SUSD1: variants seen among roughly 807,000 people sequenced by gnomAD.
SUSD1 encodes sushi domain-containing protein 1.
A neutral mutation model predicts 86.9 loss-of-function variants in SUSD1; 65 were observed. The ratio of observed to expected loss-of-function variants is 0.75; its 90% CI spans 0.61 to 0.92. The LOEUF is 0.92. Among genes scored for constraint, SUSD1 ranks in the 40% least tolerant of loss-of-function variants. SUSD1 has a pLI of 0.00. For missense variants in SUSD1, 850 were observed against 929.7 expected (o/e 0.91, Z 1.11); for synonymous variants, 346 against 350.0 (o/e 0.99, Z 0.13).
At chr9:112,143,907 C>T (rs1007480815) in intron 3 of SUSD1, among the ~76,000 whole-genome samples, 9 of 152,052 alleles carry the variant, frequency 5.9e-5, no homozygotes, top group African/African-American at 2.2e-4. Context: ...CCCTGACACC[C>T]AACAAAATGA....
chr9:112,141,697 A>AT (rs1223539576), intron 5 of SUSD1, among the ~76,000 whole-genome samples: 166 of 145,996 alleles, frequency 1.1e-3, no homozygotes, highest in Non-Finnish European at 2.1e-3. Flanking sequence ...TATATATATA[A>AT]AAAATATATA....
At chr9:112,101,427 T>TA (rs1186028032) in intron 9 of SUSD1, among the ~76,000 whole-genome samples, 3 of 152,184 alleles carry the variant, frequency 2.0e-5, no homozygotes, top group African/African-American at 4.8e-5. Flanking sequence ...GATGACTTGC[T>TA]AGGCACTAAA....
intron 1 of SUSD1, among the ~76,000 whole-genome samples, chr9:112,173,364 C>G (rs1834126447): frequency 6.6e-6 from 1 of 151,638 alleles, no homozygotes; most frequent in African/African-American, 2.4e-5. Flanking sequence ...ACTTCAGGAT[C>G]AGCGTTTGGT....
intron 9 of SUSD1, among the ~76,000 whole-genome samples, chr9:112,099,114 A>G (rs1164502742): frequency 6.6e-6 from 1 of 150,868 alleles, no homozygotes; most frequent in Non-Finnish European, 1.5e-5. Flanking sequence ...CAGTGGCACA[A>G]TCTTAGTTCA....
Position 112,061,011 on chromosome 9 carries a change from A to G in SUSD1, c.1850+1926T>C, listed in dbSNP as rs114934744. Reference sequence around the variant, plus strand: ...ACCTGTGTTGCTTGATTATTATACAAATTCCCCGACCTCATACCGACCTAC... The same window carrying G: ...ACCTGTGTTGCTTGATTATTATACAGATTCCCCGACCTCATACCGACCTAC... On this transcript the variant is annotated intron_variant, in intron 13 of 16. Coordinates refer to ENST00000374270, the MANE Select transcript of SUSD1 (RefSeq NM_022486.5). Among the ~76,000 whole-genome samples, 826 of 152,216 alleles carry G rather than the reference A, an allele frequency of 5.4e-3. 11 individuals carry two copies. The highest frequency in any genetic ancestry group is 0.018 in the African/African-American group (765 of 41,512).
At chr9:112,078,994 TG>T (rs1409350980) in intron 11 of SUSD1, among the ~76,000 whole-genome samples, 1 of 151,688 alleles carries the variant, frequency 6.6e-6, no homozygotes, top group Admixed American at 6.6e-5. Flanking sequence ...TTGTATTTTT[TG>T]TAGAGACAGG....
chr9:112,138,811 C>G (rs1270869823), intron 5 of SUSD1, among the ~76,000 whole-genome samples: 2 of 152,018 alleles, frequency 1.3e-5, no homozygotes, highest in Non-Finnish European at 2.9e-5. Flanking sequence ...ACATAATATT[C>G]CATTTTAAGG....
At chr9:112,130,901 T>C (rs1832006852) in intron 5 of SUSD1, among the ~76,000 whole-genome samples, 1 of 151,080 alleles carries the variant, frequency 6.6e-6, no homozygotes, top group Non-Finnish European at 1.5e-5. Flanking sequence ...CTCATGCCTG[T>C]AGTCCCAGCT....
At chr9:112,138,264 T>TATAC (rs1554770376) in intron 5 of SUSD1, among the ~76,000 whole-genome samples, 3 of 61,814 alleles carry the variant, frequency 4.9e-5, no homozygotes, top group Non-Finnish European at 9.5e-5. Flanking sequence ...TATGTGTATA[T>TATAC]ACATATATAT....
At chr9:112,087,444 G>T (rs1830032833) in intron 10 of SUSD1, among the ~76,000 whole-genome samples, 2 of 152,120 alleles carry the variant, frequency 1.3e-5, no homozygotes, top group Non-Finnish European at 2.9e-5. Flanking sequence ...GCCTCCCAAA[G>T]TGCTGGGATT....
intron 12 of SUSD1, among the ~76,000 whole-genome samples, chr9:112,078,000 C>A (rs1160954261): frequency 1.9e-4 from 29 of 152,240 alleles, no homozygotes; most frequent in Non-Finnish European, 2.9e-5. Context: ...TATCTTCCCC[C>A]TCCCCCTCCC....
chr9:112,163,029 C>T (rs568460517), intron 1 of SUSD1, among the ~76,000 whole-genome samples: 2 of 152,258 alleles, frequency 1.3e-5, no homozygotes, highest in Admixed American at 6.5e-5. Context: ...TGTAATCATA[C>T]GTTCTGAATC....
chr9:112,139,950 G>A (rs1005051801), intron 5 of SUSD1, among the ~76,000 whole-genome samples: 1 of 152,158 alleles, frequency 6.6e-6, no homozygotes, highest in Non-Finnish European at 1.5e-5. Context: ...ACCAGGTCAA[G>A]TGTGGTGGCT....
At chr9:112,164,448 G>A (rs1210765792) in intron 1 of SUSD1, among the ~76,000 whole-genome samples, 1 of 151,804 alleles carries the variant, frequency 6.6e-6, no homozygotes, top group Non-Finnish European at 1.5e-5. Flanking sequence ...TCGGGAGGCT[G>A]AGGCAGGAGG....
intron 12 of SUSD1, among the ~76,000 whole-genome samples, chr9:112,073,767 C>A (rs1044358699): frequency 1.3e-5 from 2 of 151,970 alleles, no homozygotes; most frequent in Non-Finnish European, 1.5e-5. Context: ...GTGATGTGTG[C>A]CTGTAATTCC....
At chr9:112,136,443 G>A (rs1832269610) in intron 5 of SUSD1, among the ~76,000 whole-genome samples, 1 of 152,030 alleles carries the variant, frequency 6.6e-6, no homozygotes, top group African/African-American at 2.4e-5. Flanking sequence ...TATGTTTTCC[G>A]GGCTGGTCTT....
At chr9:112,069,126 A>T (rs1829132005) in intron 12 of SUSD1, among the ~76,000 whole-genome samples, 1 of 151,950 alleles carries the variant, frequency 6.6e-6, no homozygotes, top group Admixed American at 6.5e-5. Context: ...GTATCAAAGT[A>T]TGTGAGGAGA....
intron 1 of SUSD1, among the ~76,000 whole-genome samples, chr9:112,165,262 G>A (rs1833732466): frequency 6.6e-6 from 1 of 152,040 alleles, no homozygotes; most frequent in African/African-American, 2.4e-5. Context: ...TTGTAAAATG[G>A]GATATCCATC....
rs994727365 is a variant in SUSD1, at chr9:112,172,279, T to A, written c.103+2854A>T. On this transcript the variant is annotated intron_variant, in intron 1 of 16. Transcript: ENST00000374270. ...GCCCTCACATCTAGCTCTCACCCTCTCTCCTCTACTAGCTCTGGGTCTCCA... is the reference window on the plus strand; with the variant it reads ...GCCCTCACATCTAGCTCTCACCCTCACTCCTCTACTAGCTCTGGGTCTCCA... 6.6e-5 allele frequency among the ~76,000 whole-genome samples: 10 copies of A among 151,736 alleles called. No homozygotes were observed. The East Asian group carries it at 1.9e-3, about 29-fold the overall frequency.
Sources: gnomAD v4.1 joint callset for allele counts (sites outside exome capture counted in the v4.1 genomes callset) on GRCh38, gnomAD v4.1.1 for gene constraint, MANE v1.5 for transcripts, NCBI Gene and HGNC (gene_info 2026-07-23, HGNC 2026-07-21) for gene names.